The following KLHL23 variants were observed in gnomAD, a reference collection of about 807,000 sequenced individuals.
KLHL23 encodes the protein kelch like family member 23.
A neutral mutation model predicts 48.9 loss-of-function variants in KLHL23; 33 were observed. The observed-to-expected ratio is 0.67, with a 90% CI of 0.51 to 0.90. The LOEUF is 0.90. Ranked by LOEUF, KLHL23 falls within the 40% of genes least tolerant of loss-of-function variation. KLHL23 has a pLI of 0.00. For missense variants in KLHL23, 608 were observed against 669.6 expected (o/e 0.91, Z 1.02); for synonymous variants, 234 against 231.6 (o/e 1.01, Z -0.09).
In KLHL23 at chr2:169,735,680, A is replaced by G. The variant is rs749822192; in HGVS notation, c.666A>G (p.Leu222=). 2.5e-6 allele frequency: 4 copies of G among 1,613,898 alleles called. No individual in the cohort carries two copies. The highest frequency in any genetic ancestry group is 3.4e-6 in the Non-Finnish European group (4 of 1,180,044). The change falls in exon 2 of 4, where the codon CTA becomes CTG. Residue 222 remains leucine, a synonymous_variant. Transcript: ENST00000392647. This position sits in a 1 kb window ranked among gnomAD's most constrained non-coding sequence, Gnocchi z 4.5. ...VENRIECLYN[L]LSYINIDIDP... ...ATCGAATTGAATGCCTCTATAATCT[A>G]CTGAGCTATATCAACATTGATATAG... is the stretch of plus-strand genomic sequence containing the variant.
intron 2 of KLHL23, among the ~76,000 whole-genome samples, chr2:169,739,675 A>G (rs1239225587): frequency 6.6e-6 from 1 of 151,916 alleles, no homozygotes; most frequent in Non-Finnish European, 1.5e-5. Context: ...CCCTTTTTTC[A>G]TGGTGTTTCT....
chr2:169,745,883 A>C (rs1315922855), intron 3 of KLHL23, among the ~76,000 whole-genome samples: 1 of 152,200 alleles, frequency 6.6e-6, no homozygotes, highest in Non-Finnish European at 1.5e-5. Context: ...GGATAACCCA[A>C]AAGAGCTGTC....
intron 2 of KLHL23, among the ~76,000 whole-genome samples, chr2:169,738,414 A>T (rs1324412470): frequency 6.6e-6 from 1 of 152,102 alleles, no homozygotes; most frequent in Non-Finnish European, 1.5e-5. Context: ...GCCATACTGA[A>T]CTTTTAGATT....
At chr2:169,743,372 T>C (rs774045221) in intron 3 of KLHL23, among the ~76,000 whole-genome samples, 1 of 152,166 alleles carries the variant, frequency 6.6e-6, no homozygotes, top group Non-Finnish European at 1.5e-5. Context: ...TCATGGCAAA[T>C]TGAAAATCCA....
At chr2:169,740,548 A>G (rs1280996785) in intron 2 of KLHL23, among the ~76,000 whole-genome samples, 2 of 148,924 alleles carry the variant, frequency 1.3e-5, no homozygotes, top group Admixed American at 1.3e-4. Flanking sequence ...TCCTGGGTTC[A>G]CGCCATTCTC....
chr2:169,734,175 C>T, intron 1 of KLHL23, 88 bp downstream of exon 1: 1 of 146,852 alleles, frequency 6.8e-6, no homozygotes, highest in Non-Finnish European at 1.5e-5. Context: ...GCGCGGGCAG[C>T]GGGGCCGGGC....
chr2:169,736,095 T>TA lies in KLHL23; in HGVS notation c.1082dup (p.Tyr361Ter). 6.2e-7 allele frequency: 1 copy of TA among 1,614,216 alleles called. No individual in the cohort carries two copies. The highest frequency in any genetic ancestry group is 8.5e-7 in the Non-Finnish European group (1 of 1,180,042). Residue 361 changes from tyrosine to a stop codon, truncating the protein, a stop_gained and frameshift_variant, in exon 2 of 4, where the codon TAC (tyrosine) becomes TAAC (stop). Transcript: ENST00000392647. LOFTEE classifies it high-confidence loss of function. ...EGLPMLNARY[Y>*]HCAVTLGGCV... ...TTTGCCAATGCTCAATGCCAGGTAT[T>TA]ACCACTGTGCAGTCACCTTGGGTGG... is the stretch of plus-strand genomic sequence containing the variant.
In KLHL23 at chr2:169,750,212, A is replaced by G. The variant is rs191192706; in HGVS notation, c.*480A>G. 5.1e-4 allele frequency: 79 copies of G among 153,772 alleles called. No individual in the cohort carries two copies. The highest frequency in any genetic ancestry group is 3.5e-3 in the East Asian group (18 of 5,180). The allele number at this position is 153,772 out of a possible 1,614,324, so 9.5% of individuals were successfully genotyped here. A position where few individuals can be genotyped will look rare whatever the true frequency, so the allele number is the denominator to read the frequency against. ...ATAATCTCTGGTTTTCAAAGGTAAT[A>G]TAGAATATTTGACACTTGGTAAAAG... On this transcript the variant is annotated 3_prime_UTR_variant, in exon 4 of 4. Transcript: ENST00000392647.
Position 169,749,897 on chromosome 2 carries a change from A to T in KLHL23, c.*165A>T. On this transcript the variant is annotated 3_prime_UTR_variant, in exon 4 of 4. Transcript: ENST00000392647. ...ACTGTACTCCCAAACATGGTGATTC[A>T]TGGTCAAGAAAAATCTTATATATAT... The T allele has an allele frequency of 1.8e-6, 1 of 546,208 alleles. No individual in the cohort carries two copies. The allele number at this position is 546,208 out of a possible 1,614,324, so 33.8% of individuals were successfully genotyped here.
intron 3 of KLHL23, among the ~76,000 whole-genome samples, chr2:169,746,958 C>T (rs1688804345): frequency 6.6e-6 from 1 of 152,056 alleles, no homozygotes; most frequent in South Asian, 2.1e-4. Context: ...AAAAATTCAA[C>T]ATATAAATAA....
chr2:169,743,749 C>T (rs141750052), intron 3 of KLHL23, among the ~76,000 whole-genome samples: 25 of 152,350 alleles, frequency 1.6e-4, no homozygotes, highest in African/African-American at 5.3e-4. Flanking sequence ...ATTCTCCTCA[C>T]GTCACTGACC....
rs1688951487 is a variant in KLHL23, at chr2:169,750,599, A to T, written c.*867A>T. 6.6e-6 allele frequency: 1 copy of T among 152,152 alleles called. No homozygotes were observed. The allele number at this position is 152,152 out of a possible 1,614,324, so 9.4% of individuals were successfully genotyped here. A position where few individuals can be genotyped will look rare whatever the true frequency, so the allele number is the denominator to read the frequency against. On this transcript the variant is annotated 3_prime_UTR_variant, in exon 4 of 4. Transcript: ENST00000392647. ...TCAGAATTATTTAGAATGTGGATTT[A>T]CTTTGTCTAGTTTTTTCCTTTATAG...
At chr2:169,734,747 T>G (rs1688471491) in intron 1 of KLHL23, among the ~76,000 whole-genome samples, 1 of 151,980 alleles carries the variant, frequency 6.6e-6, no homozygotes, top group African/African-American at 2.4e-5. Flanking sequence ...CAGGGTAGAT[T>G]GCGGTGAATG....
intron 3 of KLHL23, 146 bp from the exon 4 acceptor site, chr2:169,749,276 C>A: frequency 1.2e-6 from 1 of 812,604 alleles, no homozygotes; most frequent in Non-Finnish European, 1.9e-6. Context: ...CTCAGCGTTG[C>A]AGTATTGTGT....
At position 169,733,852 on chromosome 2, in the gene KLHL23, C is replaced by G. The variant is rs969093556; in HGVS notation, c.-238C>G. On this transcript the variant is annotated 5_prime_UTR_variant, in exon 1 of 4. Transcript: ENST00000392647. ...GCCCCGCCCCGCTCGCCGCACGGCC[C>G]GGCGACGGGGGAGTTCCCGCGAGTG... The G allele has an allele frequency of 1.3e-5, 2 of 152,158 alleles. No homozygotes were observed. Among genetic ancestry groups the G allele is most frequent in the African/African-American group, 4.8e-5 (2 of 41,404 alleles). 9.4% of individuals were successfully genotyped at this position (152,158 alleles called of 1,614,324 possible).
chr2:169,736,918 C>A (rs1174216387), intron 2 of KLHL23, among the ~76,000 whole-genome samples: 2 of 152,106 alleles, frequency 1.3e-5, no homozygotes, highest in Non-Finnish European at 2.9e-5. Flanking sequence ...ATGTTTCTTC[C>A]CAGGCTTTTC....
intron 1 of KLHL23, among the ~76,000 whole-genome samples, chr2:169,734,457 G>C (rs2105638449): frequency 6.6e-6 from 1 of 151,484 alleles, no homozygotes; most frequent in Admixed American, 6.6e-5. Context: ...GGCGGGCGCG[G>C]GGGAGGGGGC....
intron 1 of KLHL23, among the ~76,000 whole-genome samples, chr2:169,734,522 A>C (rs771796189): frequency 2.6e-5 from 4 of 152,256 alleles, no homozygotes; most frequent in Middle Eastern, 3.4e-3. Flanking sequence ...CCTTAAGCGA[A>C]AGGGCTCGGG....
intron 2 of KLHL23, among the ~76,000 whole-genome samples, chr2:169,738,833 C>T (rs1688582567): frequency 9.5e-5 from 2 of 20,984 alleles, no homozygotes; most frequent in Non-Finnish European, 1.8e-4. Flanking sequence ...ATTTCCTCCC[C>T]CTCCTCCCCC....
Sources: gnomAD v4.1 joint callset for allele counts (sites outside exome capture counted in the v4.1 genomes callset) on GRCh38, gnomAD v4.1.1 for gene constraint, Gnocchi (gnomAD v3.1) non-coding constraint, MANE v1.5 for transcripts, NCBI Gene and HGNC (gene_info 2026-07-23, HGNC 2026-07-21) for gene names.